The following PUDP variants were observed in gnomAD, a reference collection of about 807,000 sequenced individuals.
PUDP encodes pseudouridine 5'-phosphatase, also known as pseudouridine-5'-phosphatase.
Under a neutral mutation model 9.4 loss-of-function variants are expected in PUDP, and 8 were observed. The ratio of observed to expected loss-of-function variants is 0.85; its 90% CI spans 0.50 to 1.53. PUDP has a LOEUF of 1.53. PUDP is among the 40% of genes most tolerant of loss of function. The pLI, the probability that PUDP is intolerant of heterozygous loss-of-function variation, is 0.00. For missense variants in PUDP, 188 were observed against 189.7 expected (o/e 0.99, Z 0.05); for synonymous variants, 99 against 80.7 (o/e 1.23, Z -1.22).
intron 3 of PUDP, among the ~76,000 whole-genome samples, chrX:6,837,602 T>G (rs1926602741): frequency 8.9e-6 from 1 of 112,690 alleles, no homozygotes. Flanking sequence ...GCCTTGGTAT[T>G]TCTTCCCCCT....
At chrX:6,942,202 T>C (rs1928409804) in intron 3 of PUDP, among the ~76,000 whole-genome samples, 1 of 112,217 alleles carries the variant, frequency 8.9e-6, no homozygotes, top group Non-Finnish European at 1.9e-5. Flanking sequence ...ACTATATCTA[T>C]AAAAATGTTA....
chrX:6,969,225 G>A (rs6530019), intron 3 of PUDP, among the ~76,000 whole-genome samples: 4 of 111,098 alleles, frequency 3.6e-5, no homozygotes, highest in African/African-American at 6.6e-5. Flanking sequence ...CATGAACTCC[G>A]CTAAAAACAT....
intron 3 of PUDP, among the ~76,000 whole-genome samples, chrX:6,815,444 C>T (rs1926214101): frequency 8.9e-6 from 1 of 112,428 alleles, no homozygotes; most frequent in Non-Finnish European, 1.9e-5. Context: ...GTTATTTAGA[C>T]TGTTGCCAGT....
chrX:6,737,878 C>T (rs995211478), intron 3 of PUDP, among the ~76,000 whole-genome samples: 3 of 111,061 alleles, frequency 2.7e-5, no homozygotes, highest in Admixed American at 9.6e-5. Context: ...GCTGTCGATG[C>T]GAGCACTGAA....
chrX:6,873,435 A>G (rs976996082), intron 3 of PUDP, among the ~76,000 whole-genome samples: 7 of 112,168 alleles, frequency 6.2e-5, no homozygotes, highest in Non-Finnish European at 1.3e-4. Context: ...TGGTCTAAAA[A>G]CCATTCATTC....
rs1476786798 is a variant in PUDP at position 7,145,525 on chromosome X, G to A, written c.61+2528C>T. On this transcript the variant is annotated intron_variant, in intron 1 of 3. Coordinates refer to ENST00000381077, the MANE Select transcript of PUDP (RefSeq NM_012080.5). ...CTCTCTTTCTCTGAATGGCATTTGAGAGCCAAAATTATTAATATTACCTAA... is the reference window on the plus strand; with the variant it reads ...CTCTCTTTCTCTGAATGGCATTTGAAAGCCAAAATTATTAATATTACCTAA... 4.5e-5 allele frequency among the ~76,000 whole-genome samples: 5 copies of A among 110,811 alleles called. No homozygotes were observed. The East Asian group carries it at 1.4e-3, about 31-fold the overall frequency.
At chrX:6,894,749 A>G (rs1437277351) in intron 3 of PUDP, among the ~76,000 whole-genome samples, 1 of 111,523 alleles carries the variant, frequency 9.0e-6, no homozygotes, top group African/African-American at 3.3e-5. Flanking sequence ...AAAAGGTTCC[A>G]TCTGTTACAG....
intron 3 of PUDP, among the ~76,000 whole-genome samples, chrX:6,901,283 C>G (rs1457184471): frequency 1.8e-5 from 2 of 111,730 alleles, no homozygotes; most frequent in Non-Finnish European, 3.8e-5. Context: ...GCCTAGGGAA[C>G]TCTAACAAGA....
chrX:7,058,357 G>A (rs747669054), intron 3 of PUDP, among the ~76,000 whole-genome samples: 4 of 111,853 alleles, frequency 3.6e-5, no homozygotes, highest in Admixed American at 9.4e-5. Flanking sequence ...TCCCAGAAGC[G>A]GTCCTGGAAT....
chrX:6,805,222 A>T (rs1926030066), intron 3 of PUDP, among the ~76,000 whole-genome samples: 1 of 111,536 alleles, frequency 9.0e-6, no homozygotes, highest in East Asian at 2.8e-4. Flanking sequence ...GTGAGCTGTG[A>T]TTATGCCACT....
chrX:7,120,678 C>T (rs1450326044), intron 1 of PUDP, among the ~76,000 whole-genome samples: 1 of 112,100 alleles, frequency 8.9e-6, no homozygotes, highest in Non-Finnish European at 1.9e-5. Context: ...GAAAGAAAAG[C>T]CTATGTTTAC....
intron 3 of PUDP, among the ~76,000 whole-genome samples, chrX:6,922,232 C>T (rs181433539): frequency 2.6e-4 from 29 of 111,593 alleles, no homozygotes; most frequent in Non-Finnish European, 3.6e-4. Context: ...CTGGACTATA[C>T]ATTTTAAAAT....
chrX:6,723,274 A>T (rs1264001153), upstream of PUDP, among the ~76,000 whole-genome samples: 2 of 74,864 alleles, frequency 2.7e-5, no homozygotes. Flanking sequence ...AAAACAATAA[A>T]AAAAAAAAAA....
chrX:6,712,697 A>G (rs953111720), intron 1 of PUDP, among the ~76,000 whole-genome samples: 18 of 111,538 alleles, frequency 1.6e-4, no homozygotes, highest in African/African-American at 5.9e-4. Flanking sequence ...AAAACTCAAG[A>G]AAGTCAAAAG....
At chrX:6,922,748 T>C (rs1928044616) in intron 3 of PUDP, among the ~76,000 whole-genome samples, 1 of 112,360 alleles carries the variant, frequency 8.9e-6, no homozygotes, top group South Asian at 3.7e-4. Flanking sequence ...CTTGGTTTCA[T>C]GCTCTGGCAA....
chrX:6,720,851 A>G (rs748523258), intron 1 of PUDP, among the ~76,000 whole-genome samples: 2 of 110,916 alleles, frequency 1.8e-5, no homozygotes, highest in Non-Finnish European at 3.8e-5. Context: ...TCATATCTCT[A>G]TTCTATGGCC....
chrX:6,739,074 G>C (rs1924906489), intron 3 of PUDP, among the ~76,000 whole-genome samples: 2 of 111,516 alleles, frequency 1.8e-5, no homozygotes, highest in East Asian at 5.7e-4. Context: ...AGAGTGATGA[G>C]AACAACTATT....
chrX:6,805,053 G>C (rs982651178), intron 3 of PUDP, among the ~76,000 whole-genome samples: 9 of 111,040 alleles, frequency 8.1e-5, no homozygotes. Context: ...GATTGCTTGA[G>C]GCCAGGAGCT....
At chrX:6,734,601 T>C (rs1026753657) in intron 3 of PUDP, among the ~76,000 whole-genome samples, 6 of 111,367 alleles carry the variant, frequency 5.4e-5, no homozygotes, top group African/African-American at 2.0e-4. Context: ...AGCAAGACCC[T>C]ATTTCTACAA....
Sources: gnomAD v4.1 joint callset for allele counts (sites outside exome capture counted in the v4.1 genomes callset) on GRCh38, gnomAD v4.1.1 for gene constraint, MANE v1.5 for transcripts, NCBI Gene and HGNC (gene_info 2026-07-23, HGNC 2026-07-21) for gene names.